Variants in NFATC1 observed in about 807,000 individuals in gnomAD.
NFATC1 encodes nuclear factor of activated T-cells, cytoplasmic 1.
Under a neutral mutation model 76.0 loss-of-function variants are expected in NFATC1, and 22 were observed. The ratio of observed to expected loss-of-function variants is 0.29; its 90% CI spans 0.21 to 0.41. The LOEUF is 0.41. NFATC1 is among the 10% of genes least tolerant of loss of function. The probability of loss-of-function intolerance (pLI) is 1.00; values close to 1 mark genes in which losing one functional copy is unlikely to be tolerated. For missense variants in NFATC1, 1,357 were observed against 1,337.7 expected, an observed-to-expected ratio of 1.01 and a Z score of -0.23; for synonymous variants, 704 against 613.1, an observed-to-expected ratio of 1.15 and a Z score of -2.19.
intron 9 of NFATC1, among the ~76,000 whole-genome samples, chr18:79,502,641 C>T (rs1452594111): frequency 1.3e-5 from 2 of 152,072 alleles, no homozygotes; most frequent in African/African-American, 2.4e-5. Context: ...AGACAGAAAG[C>T]CTAATCAAAA....
chr18:79,511,436 G>A (rs2090251083), intron 9 of NFATC1, among the ~76,000 whole-genome samples: 1 of 152,240 alleles, frequency 6.6e-6, no homozygotes, highest in Non-Finnish European at 1.5e-5. Context: ...CCGGGGGTCA[G>A]TGCTGCTAAC....
Position 79,466,494 on chromosome 18 carries a change from C to G in NFATC1, c.1960-956C>G, listed in dbSNP as rs532982646. 3.5e-4 allele frequency among the ~76,000 whole-genome samples: 53 copies of G among 152,298 alleles called. 2 individuals carry two copies. In the South Asian group the frequency reaches 0.011, roughly 32 times the overall value. ...AGCACGCGGTTGGGGTCTCCGTGTC[C>G]CAGCCCCCCACCCAGCCCCGACCTC... On this transcript the variant is annotated intron_variant, in intron 7 of 9. Coordinates refer to ENST00000427363, the MANE Select transcript of NFATC1 (RefSeq NM_001278669.2).
At chr18:79,424,253 T>C (rs1360182663) in intron 2 of NFATC1, among the ~76,000 whole-genome samples, 1 of 151,986 alleles carries the variant, frequency 6.6e-6, no homozygotes, top group Admixed American at 6.5e-5. Context: ...CTGGCCTCTT[T>C]AGGCCGGGCT....
chr18:79,489,267 G>A (rs902180186), intron 9 of NFATC1, among the ~76,000 whole-genome samples: 9 of 152,236 alleles, frequency 5.9e-5, no homozygotes, highest in African/African-American at 1.9e-4. Context: ...CTGCCTGACT[G>A]TGCGTGGACA....
intron 9 of NFATC1, among the ~76,000 whole-genome samples, chr18:79,492,195 GCCT>G (rs1569027621): frequency 6.6e-6 from 1 of 152,186 alleles, no homozygotes; most frequent in Admixed American, 6.5e-5. Context: ...TCACGCTGGA[GCCT>G]CCTCTGTGGC....
At chr18:79,461,209 C>A (rs1376995056) in intron 6 of NFATC1, 102 bp from the exon 7 acceptor site, 1 of 1,386,502 alleles carries the variant, frequency 7.2e-7, no homozygotes, top group African/African-American at 1.4e-5. Flanking sequence ...GGACAAGGCG[C>A]CCTCCTGGCT....
At chr18:79,462,845 C>T (rs557120123) in intron 7 of NFATC1, among the ~76,000 whole-genome samples, 1 of 152,228 alleles carries the variant, frequency 6.6e-6, no homozygotes, top group African/African-American at 2.4e-5. Context: ...TCTTGTGCAC[C>T]CACTCAGTGT....
intron 3 of NFATC1, among the ~76,000 whole-genome samples, chr18:79,436,747 C>A (rs1041395439): frequency 2.0e-5 from 3 of 151,954 alleles, no homozygotes; most frequent in Non-Finnish European, 2.9e-5. Context: ...GTCCGGCATC[C>A]GGGTACCTGT....
intron 9 of NFATC1, among the ~76,000 whole-genome samples, chr18:79,520,534 G>GT (rs935170279): frequency 6.6e-6 from 1 of 150,404 alleles, no homozygotes; most frequent in Non-Finnish European, 1.5e-5. Flanking sequence ...CTGTGTGTGG[G>GT]GGGGGGAGGG....
At chr18:79,432,594 G>A (rs1041082058) in intron 2 of NFATC1, among the ~76,000 whole-genome samples, 9 of 152,336 alleles carry the variant, frequency 5.9e-5, no homozygotes, top group East Asian at 1.9e-4. Flanking sequence ...GGGCTGCAGC[G>A]GCCACAGAGC....
chr18:79,454,343 C>G (rs772432344), intron 6 of NFATC1, among the ~76,000 whole-genome samples: 1 of 152,236 alleles, frequency 6.6e-6, no homozygotes. Context: ...GCGTATCAGC[C>G]AGGCCACCTT....
At chr18:79,402,355 A>G (rs2085296306) in intron 1 of NFATC1, 1 of 985,300 alleles carries the variant, frequency 1.0e-6, no homozygotes, top group Non-Finnish European at 1.2e-6. Flanking sequence ...CTCCTGACCC[A>G]GAAGCAGGTG....
intron 6 of NFATC1, among the ~76,000 whole-genome samples, chr18:79,455,139 C>T (rs532623518): frequency 6.6e-6 from 1 of 152,372 alleles, no homozygotes; most frequent in East Asian, 1.9e-4. Flanking sequence ...GATGCTGGAG[C>T]TGAACAACCT....
chr18:79,504,648 C>T (rs549704555), intron 9 of NFATC1, among the ~76,000 whole-genome samples: 48 of 152,390 alleles, frequency 3.1e-4, no homozygotes, highest in African/African-American at 1.1e-3. Flanking sequence ...TGCCCACAGA[C>T]ATGCCTGGTG....
chr18:79,463,057 C>T (rs560253201), intron 7 of NFATC1, among the ~76,000 whole-genome samples: 4 of 152,232 alleles, frequency 2.6e-5, no homozygotes, highest in Non-Finnish European at 5.9e-5. Flanking sequence ...GCGTCTTCCA[C>T]CCTGCGACTT....
At chr18:79,482,800 G>C (rs2089336811) in intron 8 of NFATC1, among the ~76,000 whole-genome samples, 1 of 127,858 alleles carries the variant, frequency 7.8e-6, no homozygotes, top group Non-Finnish European at 1.6e-5. Flanking sequence ...GTCCTGGGGT[G>C]TCACTTCAGC....
chr18:79,526,186 C>T (rs570941543), intron 9 of NFATC1, among the ~76,000 whole-genome samples: 6 of 152,340 alleles, frequency 3.9e-5, no homozygotes, highest in Admixed American at 2.0e-4. Context: ...TCAGGTCCTG[C>T]GTGCCAGTCC....
At position 79,486,528 on chromosome 18, in the gene NFATC1, G is replaced by A. The variant is rs775995944; in HGVS notation, c.2373G>A (p.Pro791=). The A allele has an allele frequency of 9.4e-6, 15 of 1,598,436 alleles. No individual in the cohort carries two copies. The highest frequency in any genetic ancestry group is 5.3e-5 in the African/African-American group (4 of 74,824). ...CGGGCCACTGTCACCTCGGACTCCC[G>A]CAGCCGGCCGGAGAGGCCCCCGCCG... ...ASPGHCHLGL[P]QPAGEAPAVQ... Residue 791 remains proline, a synonymous_variant, in exon 9 of 10, where the codon CCG becomes CCA. Transcript: ENST00000427363.
At chr18:79,457,993 G>A (rs1372915043) in intron 6 of NFATC1, among the ~76,000 whole-genome samples, 1 of 152,238 alleles carries the variant, frequency 6.6e-6, no homozygotes, top group Non-Finnish European at 1.5e-5. Context: ...GATGGCACTA[G>A]GCCACGTCCA....
Sources: gnomAD v4.1 joint callset for allele counts (sites outside exome capture counted in the v4.1 genomes callset) on GRCh38, gnomAD v4.1.1 for gene constraint, MANE v1.5 for transcripts, NCBI Gene and HGNC (gene_info 2026-07-23, HGNC 2026-07-21) for gene names.